The following DDI1 variants were observed in gnomAD, a reference collection of about 807,000 sequenced individuals.
DDI1 encodes protein DDI1 homolog 1.
DDI1 carries 6 observed loss-of-function variants against 7.2 expected under a neutral mutation model. That is an observed-to-expected ratio of 0.83 (90% CI 0.46 to 1.64). The LOEUF (loss-of-function observed/expected upper bound fraction) is 1.64. Ranked by LOEUF, DDI1 falls within the 40% of genes most tolerant of loss-of-function variation. The pLI is 0.01. For missense variants in DDI1, 502 were observed against 516.6 expected (o/e 0.97, Z 0.27); for synonymous variants, 221 against 201.7 (o/e 1.10, Z -0.81).
Position 104,036,751 on chromosome 11 carries a change from A to C in DDI1, c.-72A>C. The C allele has an allele frequency of 1.6e-6, 2 of 1,252,580 alleles. No homozygotes were observed. Among genetic ancestry groups the C allele is most frequent in the Non-Finnish European group, 2.3e-6 (2 of 879,408 alleles). The allele number at this position is 1,252,580 out of a possible 1,614,324, so 77.6% of individuals were successfully genotyped here. A position where few individuals can be genotyped will look rare whatever the true frequency, so the allele number is the denominator to read the frequency against. ...GTCCTGAGGAGCAGCGGCACCAACGACGCAGGCCCGCCCCAGCCCGCCAGT... is the reference window on the plus strand; with the variant it reads ...GTCCTGAGGAGCAGCGGCACCAACGCCGCAGGCCCGCCCCAGCCCGCCAGT... On this transcript the variant is annotated 5_prime_UTR_variant, in exon 1 of 1. Transcript: ENST00000302259.
rs753625109 is a variant in DDI1 at position 104,036,971 on chromosome 11, T to A, written c.149T>A (p.Met50Lys). The A allele has an allele frequency of 6.2e-7, 1 of 1,614,180 alleles. No individual in the cohort carries two copies. The highest frequency in any genetic ancestry group is 1.1e-5 in the South Asian group (1 of 91,086). ...GTCGAAGAGATCCAGATCATCCACA[T>A]GGAGCGACTCCTCATCGAGGACCAC... ...VPVEEIQIIH[M>K]ERLLIEDHCS... The change falls in exon 1 of 1, where the codon ATG (methionine) becomes AAG (lysine). Residue 50 changes from methionine to lysine, a missense_variant. Physicochemically the swap from Met to Lys is moderately conservative, Grantham distance 95. Transcript: ENST00000302259.
rs260806 is a variant in DDI1 at position 104,036,802 on chromosome 11, C to T, written c.-21C>T. The T allele has an allele frequency of 2.3e-3, 3,601 of 1,599,454 alleles. 71 individuals carry two copies. In the African/African-American group the frequency reaches 0.043, roughly 19 times the overall value. On this transcript the variant is annotated 5_prime_UTR_variant, in exon 1 of 1. Transcript: ENST00000302259. The stretch of plus-strand genomic sequence containing the variant: ...GAGCCGCCCATGCCCTCTGCTAGCC[C>T]GGCCCGCCCGGGCCCCCGCCATGCT...
chr11:104,037,724 G>A lies in DDI1; in HGVS notation c.902G>A (p.Arg301His), dbSNP rs772774679. ...GTGGGCACACAGAGAATTATTGGCC[G>A]TGTTCATCTAGCTCAGATTCAAATT... is the stretch of plus-strand genomic sequence containing the variant. ...KGVGTQRIIG[R>H]VHLAQIQIEG... Residue 301 changes from arginine to histidine, a missense_variant, in exon 1 of 1, where the codon CGT (arginine) becomes CAT (histidine). Physicochemically the swap from Arg to His is conservative, Grantham distance 29. Transcript: ENST00000302259. 1.6e-5 allele frequency: 26 copies of A among 1,613,978 alleles called. No homozygotes were observed. Among genetic ancestry groups the A allele is most frequent in the Admixed American group, 6.7e-5 (4 of 60,006 alleles).
In DDI1 at chr11:104,039,033, T is replaced by C. The variant is rs181601181; in HGVS notation, c.*1020T>C. Reference sequence around the variant, plus strand: ...TCCATTCTGACAATGTTAGTGTTTATTACAACTGACAGTGGGTAATGGAAG... The same window carrying C: ...TCCATTCTGACAATGTTAGTGTTTACTACAACTGACAGTGGGTAATGGAAG... On this transcript the variant is annotated 3_prime_UTR_variant, in exon 1 of 1. Transcript: ENST00000302259. 6.0e-5 allele frequency: 10 copies of C among 167,198 alleles called. No homozygotes were observed. The East Asian group carries it at 1.9e-3, about 32-fold the overall frequency. 10.4% of individuals were successfully genotyped at this position (167,198 alleles called of 1,614,324 possible). A position where few individuals can be genotyped will look rare whatever the true frequency, so the allele number is the denominator to read the frequency against.
In DDI1 at chr11:104,037,646, G is replaced by A. The variant is rs766051930; in HGVS notation, c.824G>A (p.Arg275Gln). Residue 275 changes from arginine to glutamine, a missense_variant, in exon 1 of 1, where the codon CGA (arginine) becomes CAA (glutamine). Arg to Gln is a conservative substitution (Grantham distance 43, BLOSUM62 1). Coordinates refer to ENST00000302259, the MANE Select transcript of DDI1 (RefSeq NM_001001711.3). ...MTIMSQACAE[R>Q]CNIMRLVDRR... Reference sequence around the variant, plus strand: ...ATTATGAGCCAGGCTTGTGCCGAGCGATGTAACATCATGAGGCTGGTGGAC... The same window carrying A: ...ATTATGAGCCAGGCTTGTGCCGAGCAATGTAACATCATGAGGCTGGTGGAC... 20 of 1,614,026 alleles carry A rather than the reference G, an allele frequency of 1.2e-5. No homozygotes were observed. The highest frequency in any genetic ancestry group is 1.1e-4 in the East Asian group (5 of 44,894).
Position 104,036,726 on chromosome 11 carries a change from G to C in DDI1, c.-97G>C. 1.1e-6 allele frequency: 1 copy of C among 936,602 alleles called. No individual in the cohort carries two copies. The highest frequency in any genetic ancestry group is 1.7e-6 in the Non-Finnish European group (1 of 602,308). The allele number at this position is 936,602 out of a possible 1,614,324, so 58.0% of individuals were successfully genotyped here. A position where few individuals can be genotyped will look rare whatever the true frequency, so the allele number is the denominator to read the frequency against. Reference sequence around the variant, plus strand: ...AGCCCGGACGGTCCCTACCTACCAAGTCCTGAGGAGCAGCGGCACCAACGA... The same window carrying C: ...AGCCCGGACGGTCCCTACCTACCAACTCCTGAGGAGCAGCGGCACCAACGA... On this transcript the variant is annotated 5_prime_UTR_variant, in exon 1 of 1. Coordinates refer to ENST00000302259, the MANE Select transcript of DDI1 (RefSeq NM_001001711.3).
rs767766733 is a variant in DDI1 at position 104,037,974 on chromosome 11, T to C, written c.1152T>C (p.Ile384=). Residue 384 remains isoleucine, a synonymous_variant, in exon 1 of 1, where the codon ATT becomes ATC. Transcript: ENST00000302259. ...SGQDESSDKE[I]THSVMDSGRK... The stretch of plus-strand genomic sequence containing the variant: ...AAGATGAGTCTTCGGACAAGGAAAT[T>C]ACACATTCAGTCATGGATTCAGGAC... 62 of 1,613,942 alleles carry C rather than the reference T, an allele frequency of 3.8e-5. No individual in the cohort carries two copies. The highest frequency in any genetic ancestry group is 5.2e-5 in the Non-Finnish European group (61 of 1,179,948).
chr11:104,038,105 A>C lies in DDI1; in HGVS notation c.*92A>C. 3 of 1,288,472 alleles carry C rather than the reference A, an allele frequency of 2.3e-6. No individual in the cohort carries two copies. The highest frequency in any genetic ancestry group is 3.1e-5 in the South Asian group (2 of 65,096). 79.8% of individuals were successfully genotyped at this position (1,288,472 alleles called of 1,614,324 possible). On this transcript the variant is annotated 3_prime_UTR_variant, in exon 1 of 1. Coordinates refer to ENST00000302259, the MANE Select transcript of DDI1 (RefSeq NM_001001711.3). ...TTACTGGCAATGTAATCATTAAAAA[A>C]CATCAGTAACAACTAAACCTGGCCT...
Position 104,037,472 on chromosome 11 carries a change from A to T in DDI1, c.650A>T (p.Glu217Val). ...GAAGCTCAGGCCAAAATAGAAGAGGAAATCCGGCAGCAAAACATTGAAGAA... is the reference window on the plus strand; with the variant it reads ...GAAGCTCAGGCCAAAATAGAAGAGGTAATCCGGCAGCAAAACATTGAAGAA... ...DREAQAKIEE[E>V]IRQQNIEENM... Residue 217 changes from glutamate (E) to valine (V), a missense_variant, in exon 1 of 1, where the codon GAA becomes GTA. Glu to Val is a moderately radical substitution (Grantham distance 121, BLOSUM62 -2). Coordinates refer to ENST00000302259, the MANE Select transcript of DDI1 (RefSeq NM_001001711.3). 6.2e-7 allele frequency: 1 copy of T among 1,614,098 alleles called. No homozygotes were observed. Among genetic ancestry groups the T allele is most frequent in the Non-Finnish European group, 8.5e-7 (1 of 1,180,030 alleles).
chr11:104,036,697 A>G lies in DDI1; in HGVS notation c.-126A>G. ...AGTGTCCGCGCCTCTCTGAGAGGTGAATGAGCCCGGACGGTCCCTACCTAC... is the reference window on the plus strand; with the variant it reads ...AGTGTCCGCGCCTCTCTGAGAGGTGGATGAGCCCGGACGGTCCCTACCTAC... On this transcript the variant is annotated 5_prime_UTR_variant, in exon 1 of 1. Coordinates refer to ENST00000302259, the MANE Select transcript of DDI1 (RefSeq NM_001001711.3). The G allele has an allele frequency of 1.4e-6, 1 of 739,226 alleles. No homozygotes were observed. Among genetic ancestry groups the G allele is most frequent in the East Asian group, 2.5e-5 (1 of 40,476 alleles). 45.8% of individuals were successfully genotyped at this position (739,226 alleles called of 1,614,324 possible).
In DDI1 at chr11:104,038,956, A is replaced by C. The variant is rs2134397294; in HGVS notation, c.*943A>C. On this transcript the variant is annotated 3_prime_UTR_variant, in exon 1 of 1. Transcript: ENST00000302259. The stretch of plus-strand genomic sequence containing the variant: ...GAACAAAGGTTTTCACTGTTAAAAT[A>C]ACATTTGAAAACTTTTGAATGAGAA... The C allele has an allele frequency of 6.0e-6, 1 of 167,202 alleles. No individual in the cohort carries two copies. Among genetic ancestry groups the C allele is most frequent in the East Asian group, 1.9e-4 (1 of 5,188 alleles). 10.4% of individuals were successfully genotyped at this position (167,202 alleles called of 1,614,324 possible).
chr11:104,037,395 C>G lies in DDI1; in HGVS notation c.573C>G (p.Ala191=). The G allele has an allele frequency of 6.2e-7, 1 of 1,614,064 alleles. No individual in the cohort carries two copies. The highest frequency in any genetic ancestry group is 1.1e-5 in the South Asian group (1 of 91,082). ...QVLMEQQREK[A]LREQERLRLY... is the part of the protein sequence containing the mutation. ...TGATGGAGCAGCAAAGGGAAAAGGC[C>G]TTGAGAGAGCAAGAGAGGCTTCGTC... is the stretch of plus-strand genomic sequence containing the variant. Residue 191 remains alanine, a synonymous_variant, in exon 1 of 1, where the codon GCC becomes GCG. Coordinates refer to ENST00000302259, the MANE Select transcript of DDI1 (RefSeq NM_001001711.3).
chr11:104,037,673 GA>G lies in DDI1; in HGVS notation c.852del (p.Arg285GlyfsTer20). 1 of 1,614,144 alleles carries G rather than the reference GA, an allele frequency of 6.2e-7. No homozygotes were observed. Among genetic ancestry groups the G allele is most frequent in the Non-Finnish European group, 8.5e-7 (1 of 1,180,038 alleles). On this transcript the variant is annotated frameshift_variant, in exon 1 of 1. Coordinates refer to ENST00000302259, the MANE Select transcript of DDI1 (RefSeq NM_001001711.3). LOFTEE classifies it high-confidence loss of function. ...TGTAACATCATGAGGCTGGTGGACC[GA>G]CGGTGGGCTGGGGTTGCTAAAGGAG... ...ERCNIMRLVDRRWAGVAKGVG... is the reference protein window; with the variant it reads ...ERCNIMRLVDXRWAGVAKGVG...
chr11:104,037,001 C>A lies in DDI1; in HGVS notation c.179C>A (p.Ser60Tyr). The A allele has an allele frequency of 6.2e-7, 1 of 1,614,262 alleles. No individual in the cohort carries two copies. The highest frequency in any genetic ancestry group is 1.1e-5 in the South Asian group (1 of 91,088). Residue 60 changes from serine to tyrosine, a missense_variant, in exon 1 of 1, where the codon TCC (serine) becomes TAC (tyrosine). Coordinates refer to ENST00000302259, the MANE Select transcript of DDI1 (RefSeq NM_001001711.3). ...MERLLIEDHC[S>Y]LGSYGLKDGD... Reference sequence around the variant, plus strand: ...CGACTCCTCATCGAGGACCACTGTTCCCTGGGCTCCTACGGCCTCAAAGAT... The same window carrying A: ...CGACTCCTCATCGAGGACCACTGTTACCTGGGCTCCTACGGCCTCAAAGAT...
rs745322872 is a variant in DDI1, at chr11:104,038,247, C to A, written c.*234C>A. On this transcript the variant is annotated 3_prime_UTR_variant, in exon 1 of 1. Transcript: ENST00000302259. ...AGGCATCCTGGGAAGGCTCTGGAGG[C>A]TCCAGCTGATTTCCAGATAATCCAT... The A allele has an allele frequency of 4.9e-4, 234 of 481,348 alleles. 2 individuals carry two copies. The highest frequency in any genetic ancestry group is 3.4e-3 in the Middle Eastern group (6 of 1,776). The allele number at this position is 481,348 out of a possible 1,614,324, so 29.8% of individuals were successfully genotyped here.
In DDI1 at chr11:104,038,127, G is replaced by A. The variant is rs1340727571; in HGVS notation, c.*114G>A. 1.0e-5 allele frequency: 11 copies of A among 1,094,106 alleles called. No individual in the cohort carries two copies. Among genetic ancestry groups the A allele is most frequent in the Non-Finnish European group, 1.3e-5 (10 of 771,098 alleles). The allele number at this position is 1,094,106 out of a possible 1,614,324, so 67.8% of individuals were successfully genotyped here. A position where few individuals can be genotyped will look rare whatever the true frequency, so the allele number is the denominator to read the frequency against. ...AAAACATCAGTAACAACTAAACCTGGCCTTGGGACTACGTTCTCAGATGGG... is the reference window on the plus strand; with the variant it reads ...AAAACATCAGTAACAACTAAACCTGACCTTGGGACTACGTTCTCAGATGGG... On this transcript the variant is annotated 3_prime_UTR_variant, in exon 1 of 1. Transcript: ENST00000302259.
rs766627940 is a variant in DDI1 at position 104,038,034 on chromosome 11, C to T, written c.*21C>T. On this transcript the variant is annotated 3_prime_UTR_variant, in exon 1 of 1. Transcript: ENST00000302259. Reference sequence around the variant, plus strand: ...ATTAAAGCACGTTATAAATATGTTACCACCTTGAGGGAGCCTCAGGTCCCC... The same window carrying T: ...ATTAAAGCACGTTATAAATATGTTATCACCTTGAGGGAGCCTCAGGTCCCC... The T allele has an allele frequency of 1.8e-5, 29 of 1,594,912 alleles. No homozygotes were observed. The highest frequency in any genetic ancestry group is 1.7e-4 in the South Asian group (15 of 89,036).
rs1262565446 is a variant in DDI1 at position 104,036,834 on chromosome 11, C to A, written c.12C>A (p.Thr4=). MLI[T]VYCVRRDLSE... is the part of the protein sequence containing the mutation. ...CCCGGGCCCCCGCCATGCTGATCAC[C>A]GTGTACTGCGTGCGGAGGGACCTCT... The change falls in exon 1 of 1, where the codon ACC becomes ACA. Residue 4 remains threonine (T), a synonymous_variant. Transcript: ENST00000302259. The A allele has an allele frequency of 6.2e-7, 1 of 1,613,786 alleles. No homozygotes were observed. Among genetic ancestry groups the A allele is most frequent in the Non-Finnish European group, 8.5e-7 (1 of 1,179,946 alleles).
chr11:104,036,993 C>T lies in DDI1; in HGVS notation c.171C>T (p.Asp57=). 1 of 1,614,254 alleles carries T rather than the reference C, an allele frequency of 6.2e-7. No individual in the cohort carries two copies. Among genetic ancestry groups the T allele is most frequent in the South Asian group, 1.1e-5 (1 of 91,090 alleles). The change falls in exon 1 of 1, where the codon GAC becomes GAT. Residue 57 remains aspartate, a synonymous_variant. Transcript: ENST00000302259. ...IIHMERLLIE[D]HCSLGSYGLK... ...ACATGGAGCGACTCCTCATCGAGGA[C>T]CACTGTTCCCTGGGCTCCTACGGCC...
Sources: allele counts gnomAD v4.1 joint callset, GRCh38; gene constraint gnomAD v4.1.1; transcripts MANE v1.5; gene names NCBI Gene and HGNC (gene_info 2026-07-23, HGNC 2026-07-21).